Variants in HPSE2 observed in about 807,000 individuals in gnomAD.
The protein encoded by HPSE2 is inactive heparanase-2.
In HPSE2, 38 loss-of-function variants were observed where a neutral mutation model predicts 60.5. The ratio of observed to expected loss-of-function variants is 0.63; its 90% confidence interval spans 0.48 to 0.82. The LOEUF (loss-of-function observed/expected upper bound fraction) is 0.82, where lower values mean the gene tolerates loss of function less well. Ranked by LOEUF, HPSE2 falls within the 40% of genes least tolerant of loss-of-function variation. HPSE2 has a pLI of 0.00. For synonymous variants in HPSE2, 295 were observed against 293.2 expected, an observed-to-expected ratio of 1.01 and a Z score of -0.06; for missense variants, 713 against 740.4, an observed-to-expected ratio of 0.96 and a Z score of 0.43.
chr10:98,956,911 A>G (rs142551629), intron 3 of HPSE2, among the ~76,000 whole-genome samples: 109 of 152,298 alleles, frequency 7.2e-4, no homozygotes, highest in Admixed American at 6.7e-3. Context: ...AACAAGTGCA[A>G]AATCCCTGAA....
chr10:99,045,527 G>GA (rs545683773), intron 3 of HPSE2, among the ~76,000 whole-genome samples: 16 of 151,900 alleles, frequency 1.1e-4, no homozygotes, highest in Admixed American at 1.0e-3. Flanking sequence ...AAATCCATAT[G>GA]AAAAAATCAA....
intron 3 of HPSE2, among the ~76,000 whole-genome samples, chr10:99,113,456 T>C (rs1844552419): frequency 6.6e-6 from 1 of 152,176 alleles, no homozygotes; most frequent in South Asian, 2.1e-4. Flanking sequence ...ACATATATCA[T>C]TCATATATAC....
chr10:99,101,586 G>A (rs1423020688), intron 3 of HPSE2, among the ~76,000 whole-genome samples: 2 of 152,114 alleles, frequency 1.3e-5, no homozygotes, highest in African/African-American at 4.8e-5. Context: ...CAAGACAGAA[G>A]TTAACAAGGA....
chr10:98,638,424 G>A (rs1347900071), intron 7 of HPSE2, among the ~76,000 whole-genome samples: 2 of 152,128 alleles, frequency 1.3e-5, no homozygotes, highest in Non-Finnish European at 1.5e-5. Context: ...CAACCTGGGT[G>A]ACAGAGCGAG....
the HPSE2 span, among the ~76,000 whole-genome samples, chr10:99,293,009 C>A: frequency 6.6e-6 from 1 of 152,114 alleles, no homozygotes; most frequent in Non-Finnish European, 1.5e-5. Flanking sequence ...CCCTTCCTAC[C>A]CAGTTGATAA....
At chr10:98,923,033 C>A (rs533766796) in intron 3 of HPSE2, among the ~76,000 whole-genome samples, 1 of 152,144 alleles carries the variant, frequency 6.6e-6, no homozygotes, top group Non-Finnish European at 1.5e-5. Flanking sequence ...TCAATAACAT[C>A]ATTTTCTTTC....
rs2134170202 is a variant in HPSE2 at position 98,693,899 on chromosome 10, C to T, written c.1004+1G>A. 1 of 1,610,708 alleles carries T rather than the reference C, an allele frequency of 6.2e-7. No homozygotes were observed. Among genetic ancestry groups the T allele is most frequent in the Non-Finnish European group, 8.5e-7 (1 of 1,176,864 alleles). On this transcript the variant is annotated splice_donor_variant, in intron 6 of 11. Coordinates refer to ENST00000370552, the MANE Select transcript of HPSE2 (RefSeq NM_021828.5). LOFTEE classifies it high-confidence loss of function. ...TAAGAGCAAAAATGGTGAATACCTA[C>T]TGTTGCCAGGTAACTGCATCTACTG...
At chr10:98,741,290 T>C (rs1949490586) in intron 4 of HPSE2, among the ~76,000 whole-genome samples, 1 of 152,172 alleles carries the variant, frequency 6.6e-6, no homozygotes, top group Admixed American at 6.5e-5. Flanking sequence ...GACAGTGCCC[T>C]TTCTCCTCTT....
chr10:99,096,823 T>C (rs1436045673), intron 3 of HPSE2, among the ~76,000 whole-genome samples: 1 of 152,136 alleles, frequency 6.6e-6, no homozygotes, highest in South Asian at 2.1e-4. Context: ...TATGGGACTT[T>C]CTATGTTCAG....
At chr10:99,153,829 A>C (rs1254775336) in intron 2 of HPSE2, among the ~76,000 whole-genome samples, 4 of 151,892 alleles carry the variant, frequency 2.6e-5, no homozygotes, top group African/African-American at 9.7e-5. Context: ...ATTCAAACCA[A>C]AGGTAAAGAA....
intron 6 of HPSE2, among the ~76,000 whole-genome samples, chr10:98,653,975 T>G (rs1946989971): frequency 6.9e-6 from 1 of 145,404 alleles, no homozygotes; most frequent in Non-Finnish European, 1.5e-5. Flanking sequence ...AGAACTCTAG[T>G]TTTTTTTTTT....
intron 2 of HPSE2, among the ~76,000 whole-genome samples, chr10:99,185,842 T>G (rs1847986553): frequency 6.6e-6 from 1 of 151,862 alleles, no homozygotes; most frequent in Non-Finnish European, 1.5e-5. Flanking sequence ...GCGGATGTTT[T>G]GTCAGAAACA....
chr10:99,244,855 C>A, the HPSE2 span, among the ~76,000 whole-genome samples: 2 of 151,896 alleles, frequency 1.3e-5, no homozygotes, highest in African/African-American at 2.4e-5. Context: ...GAATATTTTA[C>A]TTCTGCTTGA....
chr10:98,473,532 G>A (rs111419695), intron 11 of HPSE2, among the ~76,000 whole-genome samples: 2 of 139,660 alleles, frequency 1.4e-5, no homozygotes, highest in African/African-American at 2.7e-5. Context: ...AAGAGAGAGA[G>A]AGAAAGAAAG....
Position 98,858,975 on chromosome 10 carries a change from C to T in HPSE2, c.611-114919G>A, listed in dbSNP as rs191283885. Among the ~76,000 whole-genome samples, 223 of 152,278 alleles carry T rather than the reference C, an allele frequency of 1.5e-3. 2 individuals are homozygous for T. Among genetic ancestry groups the T allele is most frequent in the Non-Finnish European group, 2.2e-3 (149 of 68,012 alleles). On this transcript the variant is annotated intron_variant, in intron 3 of 11. Coordinates refer to ENST00000370552, the MANE Select transcript of HPSE2 (RefSeq NM_021828.5). ...TCGAGACCTCACTTTATTGCCCGGG[C>T]TGGAGTGCAGTGGCACAGTCATAGC...
At chr10:98,723,175 G>A (rs1948973694) in intron 4 of HPSE2, among the ~76,000 whole-genome samples, 1 of 152,102 alleles carries the variant, frequency 6.6e-6, no homozygotes, top group Admixed American at 6.6e-5. Context: ...TTAGCATGAA[G>A]GTGGTTGAAT....
intron 3 of HPSE2, among the ~76,000 whole-genome samples, chr10:99,072,166 G>A (rs1842812577): frequency 6.6e-6 from 1 of 151,990 alleles, no homozygotes; most frequent in Non-Finnish European, 1.5e-5. Context: ...AGACTGCATT[G>A]GGTAGTATGG....
chr10:99,271,666 A>T, the HPSE2 span, among the ~76,000 whole-genome samples: 5 of 152,334 alleles, frequency 3.3e-5, no homozygotes, highest in Middle Eastern at 3.4e-3. Context: ...ATATGGAGCC[A>T]AAAAAGAGAC....
intron 3 of HPSE2, among the ~76,000 whole-genome samples, chr10:98,887,228 C>T (rs1184699017): frequency 6.6e-6 from 1 of 152,048 alleles, no homozygotes. Context: ...GACTAAATTC[C>T]AAGACTGGAT....
Sources: gnomAD v4.1 joint callset for allele counts (sites outside exome capture counted in the v4.1 genomes callset) on GRCh38, gnomAD v4.1.1 for gene constraint, MANE v1.5 for transcripts, NCBI Gene and HGNC (gene_info 2026-07-23, HGNC 2026-07-21) for gene names.